MIB1: variants seen among roughly 807,000 people sequenced by gnomAD.
MIB1 encodes E3 ubiquitin-protein ligase MIB1.
A neutral mutation model predicts 124.5 loss-of-function variants in MIB1; 278 were observed. That is an observed-to-expected ratio of 2.23 (90% CI 2.02 to 2.47). The LOEUF (loss-of-function observed/expected upper bound fraction) is 2.47. MIB1 is among the 30% of genes most tolerant of loss of function. The probability of loss-of-function intolerance (pLI) is 0.00; values close to 1 mark genes in which losing one functional copy is unlikely to be tolerated. For missense variants in MIB1, 957 were observed against 1,254.4 expected, an observed-to-expected ratio of 0.76 and a Z score of 3.58; for synonymous variants, 446 against 429.4, an observed-to-expected ratio of 1.04 and a Z score of -0.48.
At chr18:21,827,242 A>G (rs1252399699) in intron 12 of MIB1, 1 of 152,116 alleles carries the variant, frequency 6.6e-6, no homozygotes, top group Non-Finnish European at 1.5e-5. Context: ...GATCTAAGTG[A>G]TAGATGTGAC....
chr18:21,846,720 G>T (rs1205279309), intron 15 of MIB1, among the ~76,000 whole-genome samples: 1 of 152,112 alleles, frequency 6.6e-6, no homozygotes, highest in Non-Finnish European at 1.5e-5. Context: ...ACTGGTTTGG[G>T]CCATGTTTGG....
chr18:21,807,817 A>G (rs2041725897), intron 10 of MIB1, among the ~76,000 whole-genome samples: 1 of 152,086 alleles, frequency 6.6e-6, no homozygotes. Context: ...TTATAAAGTG[A>G]TTTGTTTTTT....
intron 1 of MIB1, among the ~76,000 whole-genome samples, chr18:21,733,756 A>C (rs2040782784): frequency 6.6e-6 from 1 of 151,320 alleles, no homozygotes; most frequent in South Asian, 2.1e-4. Flanking sequence ...CCCAGGCTGG[A>C]GTGCAATGGT....
At chr18:21,839,851 A>G (rs1598636923) in intron 13 of MIB1, among the ~76,000 whole-genome samples, 2 of 152,186 alleles carry the variant, frequency 1.3e-5, no homozygotes, top group East Asian at 1.9e-4. Flanking sequence ...TTGCTCTTGC[A>G]CATATTAGAT....
intron 1 of MIB1, among the ~76,000 whole-genome samples, chr18:21,734,169 C>G (rs1033609407): frequency 5.3e-5 from 8 of 149,544 alleles, no homozygotes; most frequent in African/African-American, 2.0e-4. Context: ...TGCAGTGGCA[C>G]GATTTTGGCT....
At chr18:21,845,407 T>G (rs995028431) in intron 15 of MIB1, among the ~76,000 whole-genome samples, 7 of 152,180 alleles carry the variant, frequency 4.6e-5, no homozygotes, top group African/African-American at 1.7e-4. Context: ...GTGTTTTTTG[T>G]GTGTGTTCTG....
At chr18:21,825,487 T>G in intron 12 of MIB1, 1 of 284,730 alleles carries the variant, frequency 3.5e-6, no homozygotes, top group South Asian at 2.8e-5. Flanking sequence ...GAGACCATAA[T>G]AAGTAAAATT....
chr18:21,732,756 A>T (rs72886639), intron 1 of MIB1, among the ~76,000 whole-genome samples: 4,282 of 152,304 alleles, frequency 0.028, 92 homozygotes, highest in Non-Finnish European at 0.046. Flanking sequence ...GACAAGAAAA[A>T]GCCAAAGCAG....
At chr18:21,833,869 A>G (rs1408519794) in intron 12 of MIB1, among the ~76,000 whole-genome samples, 1 of 152,236 alleles carries the variant, frequency 6.6e-6, no homozygotes, top group Non-Finnish European at 1.5e-5. Context: ...CTTAACTGGT[A>G]GTAAGATCTT....
chr18:21,715,360 C>G (rs2040684977), intron 1 of MIB1, among the ~76,000 whole-genome samples: 1 of 152,130 alleles, frequency 6.6e-6, no homozygotes, highest in Admixed American at 6.5e-5. Context: ...ATAATCTGAA[C>G]AACAGCCTTC....
chr18:21,848,628 T>C (rs540769072), intron 16 of MIB1, among the ~76,000 whole-genome samples: 103 of 152,316 alleles, frequency 6.8e-4, no homozygotes, highest in South Asian at 4.8e-3. Flanking sequence ...GGTGGTCATA[T>C]GTATTTCTGT....
chr18:21,802,163 A>G lies in MIB1; in HGVS notation c.1372-1744A>G, dbSNP rs577870256. On this transcript the variant is annotated intron_variant, in intron 9 of 20. Coordinates refer to ENST00000261537, the MANE Select transcript of MIB1 (RefSeq NM_020774.4). ...AAGCCATTCTGATTCCTGATCTTAC[A>G]TGTACGCTGTTTTTTCTCTCAAGCA... is the stretch of plus-strand genomic sequence containing the variant. 1.3e-3 allele frequency among the ~76,000 whole-genome samples: 202 copies of G among 152,198 alleles called. 3 individuals carry two copies. The highest frequency in any genetic ancestry group is 4.5e-3 in the African/African-American group (188 of 41,546).
upstream of MIB1, among the ~76,000 whole-genome samples, chr18:21,738,226 AG>A (rs1252522144): frequency 6.6e-6 from 1 of 152,178 alleles, no homozygotes; most frequent in African/African-American, 2.4e-5. Flanking sequence ...CATAACAAAC[AG>A]TCTCTCAGAC....
intron 1 of MIB1, among the ~76,000 whole-genome samples, chr18:21,715,021 G>A (rs151118381): frequency 3.3e-4 from 50 of 152,248 alleles, no homozygotes; most frequent in African/African-American, 1.1e-3. Flanking sequence ...GTGGAGTCTC[G>A]CTTCGTGAAC....
At chr18:21,750,768 C>G (rs1313919410) in intron 1 of MIB1, among the ~76,000 whole-genome samples, 1 of 152,194 alleles carries the variant, frequency 6.6e-6, no homozygotes, top group Non-Finnish European at 1.5e-5. Context: ...CCGGCCATCT[C>G]CTGCCCCACA....
chr18:21,849,530 G>T (rs2042164466), intron 17 of MIB1, 142 bp downstream of exon 17: 2 of 448,566 alleles, frequency 4.5e-6, no homozygotes, highest in Admixed American at 4.1e-5. Context: ...TATAATTTCT[G>T]CATTTATCAG....
At chr18:21,817,292 G>T (rs909886310) in intron 11 of MIB1, among the ~76,000 whole-genome samples, 4 of 151,274 alleles carry the variant, frequency 2.6e-5, no homozygotes, top group Non-Finnish European at 5.9e-5. Context: ...GGGACTACAG[G>T]TGTGAGCTGC....
In MIB1 at chr18:21,794,467, C is replaced by CTG. The variant is rs1294706537; in HGVS notation, c.1092+2911_1092+2912insGT. Reference sequence around the variant, plus strand: ...CCTCTCTCTCTCTCTCTCTCTCTCTCTCTCTACAAGAGAGTCCTTGTAGAA... The same window carrying CTG: ...CCTCTCTCTCTCTCTCTCTCTCTCTCTGTCTCTACAAGAGAGTCCTTGTAGAA... On this transcript the variant is annotated intron_variant, in intron 7 of 20. Transcript: ENST00000261537. Among the ~76,000 whole-genome samples, 5 of 151,628 alleles carry CTG rather than the reference C, an allele frequency of 3.3e-5. No homozygotes were observed. The East Asian group carries it at 5.8e-4, about 18-fold the overall frequency.
Position 21,847,121 on chromosome 18 carries a change from G to T in MIB1, c.2389G>T (p.Val797Phe), listed in dbSNP as rs1215095754. The T allele has an allele frequency of 2.5e-6, 4 of 1,613,662 alleles. No individual in the cohort carries two copies. Among genetic ancestry groups the T allele is most frequent in the South Asian group, 1.1e-5 (1 of 91,052 alleles). Reference sequence around the variant, plus strand: ...ACTGGCAAAGTGTCATAAGGAAAAAGTCAGGTTTGTATTATTTATTATCAT... The same window carrying T: ...ACTGGCAAAGTGTCATAAGGAAAAATTCAGGTTTGTATTATTTATTATCAT... ...KALAKCHKEKVSGQVGSRSPS... is the reference protein window; with the variant it reads ...KALAKCHKEKFSGQVGSRSPS... Residue 797 changes from valine to phenylalanine, a missense_variant, in exon 16 of 21, where the codon GTC becomes TTC. By Grantham distance (50) the Val-to-Phe change is conservative. Transcript: ENST00000261537.
Sources: allele counts gnomAD v4.1 joint callset (sites outside exome capture counted in the v4.1 genomes callset), GRCh38; gene constraint gnomAD v4.1.1; transcripts MANE v1.5; gene names NCBI Gene and HGNC (gene_info 2026-07-23, HGNC 2026-07-21).